The following PTPRD variants were observed in gnomAD, a reference collection of about 807,000 sequenced individuals.
PTPRD encodes the protein protein tyrosine phosphatase receptor type D, also known as receptor-type tyrosine-protein phosphatase delta.
In PTPRD, 34 loss-of-function variants were observed where a neutral mutation model predicts 214.5. The observed-to-expected ratio is 0.16, with a 90% CI of 0.12 to 0.21. The LOEUF is 0.21. PTPRD is among the 10% of genes least tolerant of loss of function. PTPRD has a pLI of 1.00. For missense variants in PTPRD, 2,545 were observed against 2,398.7 expected (o/e 1.06, Z -1.27); for synonymous variants, 1,128 against 845.7 (o/e 1.33, Z -5.79).
intron 10 of PTPRD, among the ~76,000 whole-genome samples, chr9:9,033,069 T>G (rs564723516): frequency 6.6e-6 from 1 of 152,218 alleles, no homozygotes; most frequent in East Asian, 1.9e-4. Context: ...CCTTTCCTAA[T>G]GGAGATGCGT....
chr9:9,344,826 G>A (rs2048210724), intron 9 of PTPRD, among the ~76,000 whole-genome samples: 1 of 151,752 alleles, frequency 6.6e-6, no homozygotes, highest in Admixed American at 6.6e-5. Flanking sequence ...CTTGAAACAT[G>A]GTAGTTAAGA....
At chr9:9,325,901 A>T (rs538663771) in intron 9 of PTPRD, among the ~76,000 whole-genome samples, 1 of 152,310 alleles carries the variant, frequency 6.6e-6, no homozygotes, top group African/African-American at 2.4e-5. Context: ...TTTTAGCATG[A>T]AGGGCTGTTG....
intron 36 of PTPRD, among the ~76,000 whole-genome samples, chr9:8,401,181 T>C (rs78507048): frequency 7.6e-6 from 1 of 131,370 alleles, no homozygotes; most frequent in Non-Finnish European, 1.6e-5. Context: ...TTTTTTTTTT[T>C]CCAGATGGGG....
At chr9:9,023,479 T>C (rs778041309) in intron 10 of PTPRD, among the ~76,000 whole-genome samples, 2 of 152,142 alleles carry the variant, frequency 1.3e-5, no homozygotes, top group Admixed American at 6.6e-5. Context: ...AACACAATTA[T>C]GAAATATGAT....
intron 14 of PTPRD, among the ~76,000 whole-genome samples, chr9:8,534,464 TA>T (rs2076437927): frequency 3.3e-5 from 5 of 152,068 alleles, no homozygotes; most frequent in Admixed American, 1.3e-4. Context: ...AGTCACTGGA[TA>T]TCTTACGGTT....
intron 11 of PTPRD, among the ~76,000 whole-genome samples, chr9:8,850,023 G>A (rs1286499813): frequency 1.3e-5 from 2 of 152,128 alleles, no homozygotes; most frequent in Non-Finnish European, 2.9e-5. Flanking sequence ...ATTGCCTGAG[G>A]ATAAGAACAA....
intron 35 of PTPRD, among the ~76,000 whole-genome samples, chr9:8,433,686 T>C (rs2095207002): frequency 1.3e-5 from 2 of 152,196 alleles, no homozygotes; most frequent in Non-Finnish European, 2.9e-5. Context: ...AAAAAATGTT[T>C]TTGTATAGCT....
intron 5 of PTPRD, among the ~76,000 whole-genome samples, chr9:9,872,370 C>A (rs1031508523): frequency 6.6e-6 from 1 of 152,048 alleles, no homozygotes; most frequent in African/African-American, 2.4e-5. Context: ...GAGGCCGAGG[C>A]AGGAGAATTG....
chr9:9,264,084 T>A lies in PTPRD; in HGVS notation c.-202-80721A>T, dbSNP rs576450463. 2.0e-5 allele frequency among the ~76,000 whole-genome samples: 3 copies of A among 151,736 alleles called. No individual in the cohort carries two copies. In the East Asian group the frequency reaches 5.9e-4, roughly 30 times the overall value. On this transcript the variant is annotated intron_variant, in intron 9 of 45. Transcript: ENST00000381196. Reference sequence around the variant, plus strand: ...ATGATTAGCAAAAGTGACCACTTATTCAAATGCAATAACCACAATGGAAGA... The same window carrying A: ...ATGATTAGCAAAAGTGACCACTTATACAAATGCAATAACCACAATGGAAGA...
chr9:8,450,794 G>C (rs970189784), intron 33 of PTPRD, among the ~76,000 whole-genome samples: 4 of 152,104 alleles, frequency 2.6e-5, no homozygotes, highest in African/African-American at 9.7e-5. Flanking sequence ...CTTCCAGTTT[G>C]AATTAGATTA....
intron 27 of PTPRD, among the ~76,000 whole-genome samples, chr9:8,490,078 T>A (rs568438757): frequency 1.3e-5 from 2 of 152,168 alleles, no homozygotes; most frequent in Non-Finnish European, 2.9e-5. Flanking sequence ...GTTGGTTCAA[T>A]GGTTCTGCTC....
chr9:9,021,519 G>A (rs62531093), intron 10 of PTPRD, among the ~76,000 whole-genome samples: 43,571 of 151,948 alleles, frequency 0.29, 6,601 homozygotes, highest in Non-Finnish European at 0.34. Flanking sequence ...TATACTTCAT[G>A]TCATTATTTT....
intron 7 of PTPRD, among the ~76,000 whole-genome samples, chr9:9,671,165 C>T (rs959264825): frequency 5.9e-5 from 9 of 152,130 alleles, no homozygotes; most frequent in Admixed American, 5.2e-4. Flanking sequence ...CTCTTGCATA[C>T]AGTGACCTGG....
At chr9:8,853,298 C>G (rs547376586) in intron 11 of PTPRD, among the ~76,000 whole-genome samples, 1 of 152,280 alleles carries the variant, frequency 6.6e-6, no homozygotes, top group Admixed American at 6.5e-5. Flanking sequence ...AAATGCTGAA[C>G]TTTTACATCT....
chr9:9,992,388 G>C (rs2095970702), intron 4 of PTPRD, among the ~76,000 whole-genome samples: 1 of 152,328 alleles, frequency 6.6e-6, no homozygotes, highest in African/African-American at 2.4e-5. Context: ...GGAAGCCAGT[G>C]TGGCGATTCC....
At chr9:9,114,662 T>C (rs1459895157) in intron 10 of PTPRD, among the ~76,000 whole-genome samples, 1 of 152,026 alleles carries the variant, frequency 6.6e-6, no homozygotes, top group Non-Finnish European at 1.5e-5. Flanking sequence ...CGACAAAGAT[T>C]TCAAGATACT....
intron 3 of PTPRD, among the ~76,000 whole-genome samples, chr9:10,057,051 T>C (rs910832807): frequency 2.6e-5 from 4 of 152,144 alleles, no homozygotes; most frequent in African/African-American, 4.8e-5. Context: ...GGATACCAAA[T>C]TGCAAGTCAG....
At chr9:10,235,455 G>C (rs2099625895) in intron 3 of PTPRD, among the ~76,000 whole-genome samples, 2 of 152,058 alleles carry the variant, frequency 1.3e-5, no homozygotes, top group African/African-American at 4.8e-5. Context: ...ATGTCAGAAA[G>C]GGTGGAACCA....
intron 3 of PTPRD, among the ~76,000 whole-genome samples, chr9:10,209,829 T>C (rs2099507247): frequency 6.6e-6 from 1 of 152,120 alleles, no homozygotes; most frequent in Admixed American, 6.5e-5. Flanking sequence ...AAGGGAAATT[T>C]TAAAAAATGA....
Sources: gnomAD v4.1 joint callset for allele counts (sites outside exome capture counted in the v4.1 genomes callset) on GRCh38, gnomAD v4.1.1 for gene constraint, MANE v1.5 for transcripts, NCBI Gene and HGNC (gene_info 2026-07-23, HGNC 2026-07-21) for gene names.